Variants in HSD17B13 observed in about 807,000 individuals in gnomAD.
HSD17B13 encodes 17-beta-hydroxysteroid dehydrogenase 13.
HSD17B13 carries 26 observed loss-of-function variants against 31.1 expected under a neutral mutation model. The ratio of observed to expected loss-of-function variants is 0.84; its 90% CI spans 0.61 to 1.16. The LOEUF (loss-of-function observed/expected upper bound fraction) is 1.16, where lower values mean the gene tolerates loss of function less well. HSD17B13 is among the 50% of genes most tolerant of loss of function. The probability of loss-of-function intolerance (pLI) is 0.00; values close to 1 mark genes in which losing one functional copy is unlikely to be tolerated. For missense variants in HSD17B13, 374 were observed against 366.5 expected (o/e 1.02, Z -0.17); for synonymous variants, 141 against 133.7 (o/e 1.05, Z -0.38).
At chr4:87,311,698 C>T (rs183097019) in intron 5 of HSD17B13, among the ~76,000 whole-genome samples, 2 of 152,210 alleles carry the variant, frequency 1.3e-5, no homozygotes, top group Non-Finnish European at 2.9e-5. Flanking sequence ...GACTGAACAG[C>T]CAGTGAATGT....
At chr4:87,309,900 C>G (rs529061981) in intron 6 of HSD17B13, among the ~76,000 whole-genome samples, 6 of 152,224 alleles carry the variant, frequency 3.9e-5, no homozygotes, top group Non-Finnish European at 8.8e-5. Flanking sequence ...TGGCTCATGA[C>G]TGTAATCCCA....
At chr4:87,318,752 A>T (rs1205281585) in intron 1 of HSD17B13, among the ~76,000 whole-genome samples, 1 of 147,218 alleles carries the variant, frequency 6.8e-6, no homozygotes, top group Non-Finnish European at 1.5e-5. Context: ...GAGTGGAGAT[A>T]GTGCCACTGG....
chr4:87,307,851 T>C (rs1443906174), intron 6 of HSD17B13, among the ~76,000 whole-genome samples: 1 of 152,174 alleles, frequency 6.6e-6, no homozygotes. Flanking sequence ...CTCCTTATGT[T>C]ATCTCAAGTC....
Position 87,318,195 on chromosome 4 carries a change from T to A in HSD17B13, c.318+134A>T, listed in dbSNP as rs1028270930. The A allele has an allele frequency of 1.1e-5, 7 of 654,488 alleles. No homozygotes were observed. In the East Asian group the frequency reaches 1.9e-4, roughly 18 times the overall value. The allele number at this position is 654,488 out of a possible 1,614,324, so 40.5% of individuals were successfully genotyped here. A position where few individuals can be genotyped will look rare whatever the true frequency, so the allele number is the denominator to read the frequency against. ...AAGAAAAAAAGTATATATCCTTCCT[T>A]GGTGACATAACTACTTCAGTTAGCA... On this transcript the variant is annotated intron_variant, in intron 2 of 6. Coordinates refer to ENST00000328546, the MANE Select transcript of HSD17B13 (RefSeq NM_178135.5).
At chr4:87,320,020 A>G (rs1734745199) in intron 1 of HSD17B13, among the ~76,000 whole-genome samples, 1 of 152,178 alleles carries the variant, frequency 6.6e-6, no homozygotes, top group Admixed American at 6.5e-5. Context: ...GAAAAGCCCT[A>G]TTCTTCGTGT....
chr4:87,320,044 T>C (rs1344817352), intron 1 of HSD17B13, among the ~76,000 whole-genome samples: 2 of 152,120 alleles, frequency 1.3e-5, no homozygotes, highest in East Asian at 3.9e-4. Flanking sequence ...GAGATGACAG[T>C]GGTGTTGCTG....
chr4:87,319,956 T>A (rs1734744028), intron 1 of HSD17B13, among the ~76,000 whole-genome samples: 1 of 152,236 alleles, frequency 6.6e-6, no homozygotes, highest in Admixed American at 6.5e-5. Context: ...AAATTATACT[T>A]TTCCGTCTCA....
rs562338105 is a variant in HSD17B13, at chr4:87,317,356, T to G, written c.319-133A>C. On this transcript the variant is annotated intron_variant, in intron 2 of 6. Transcript: ENST00000328546. ...TCAGAGTTCAGGCAAGACAGACTGTTGAGCTCAAATCGTGGAGGCCAAGGG... is the reference window on the plus strand; with the variant it reads ...TCAGAGTTCAGGCAAGACAGACTGTGGAGCTCAAATCGTGGAGGCCAAGGG... 24 of 821,854 alleles carry G rather than the reference T, an allele frequency of 2.9e-5. No homozygotes were observed. In the East Asian group the frequency reaches 6.2e-4, roughly 21 times the overall value. The allele number at this position is 821,854 out of a possible 1,614,324, so 50.9% of individuals were successfully genotyped here.
At chr4:87,306,905 TAAAAAAAA>T (rs67775053) in intron 6 of HSD17B13, among the ~76,000 whole-genome samples, 4 of 44,286 alleles carry the variant, frequency 9.0e-5, no homozygotes, top group African/African-American at 4.9e-4. Context: ...AGACCCAATC[TAAAAAAAA>T]AAAAAAAAAA....
At chr4:87,321,365 A>G (rs908866924) in intron 1 of HSD17B13, among the ~76,000 whole-genome samples, 3 of 151,952 alleles carry the variant, frequency 2.0e-5, no homozygotes, top group African/African-American at 7.3e-5. Flanking sequence ...CTTCTAATTT[A>G]CTTTTCTCTT....
chr4:87,314,591 T>A (rs528387697), intron 4 of HSD17B13, among the ~76,000 whole-genome samples: 1 of 152,130 alleles, frequency 6.6e-6, no homozygotes, highest in South Asian at 2.1e-4. Flanking sequence ...TGGAGTGTGG[T>A]ATCTGCAACT....
intron 6 of HSD17B13, among the ~76,000 whole-genome samples, chr4:87,309,074 G>C (rs1734464568): frequency 6.6e-6 from 1 of 152,014 alleles, no homozygotes; most frequent in African/African-American, 2.4e-5. Context: ...AATGCCACTT[G>C]CATTAGCGTC....
intron 6 of HSD17B13, among the ~76,000 whole-genome samples, chr4:87,308,485 TAAAAAAAAAAAAAAAAA>T (rs893354684): frequency 1.1e-3 from 38 of 33,204 alleles, no homozygotes; most frequent in East Asian, 2.9e-3. Flanking sequence ...CCGTCTCTAC[TAAAAAAAAAAAAAAAAA>T]AAAAAAAAAA....
rs145617715 is a variant in HSD17B13 at position 87,313,564 on chromosome 4, G to A, written c.695+259C>T. Among the ~76,000 whole-genome samples, 543 of 152,188 alleles carry A rather than the reference G, an allele frequency of 3.6e-3. 7 individuals are homozygous for A. The highest frequency in any genetic ancestry group is 0.013 in the African/African-American group (520 of 41,532). On this transcript the variant is annotated intron_variant, in intron 5 of 6. Coordinates refer to ENST00000328546, the MANE Select transcript of HSD17B13 (RefSeq NM_178135.5). ...GGAACATTTGCATTTTAAAGACAGG[G>A]TGGTAACGGTGATCAAATGTATGTG... is the stretch of plus-strand genomic sequence containing the variant.
chr4:87,314,045 T>C, intron 4 of HSD17B13, 85 bp from the exon 5 acceptor site: 1 of 1,186,118 alleles, frequency 8.4e-7, no homozygotes, highest in South Asian at 2.3e-5. Flanking sequence ...ATCATTTGGC[T>C]TAAGAACAAG....
chr4:87,308,317 CT>C (rs1734437047), intron 6 of HSD17B13, among the ~76,000 whole-genome samples: 2 of 151,462 alleles, frequency 1.3e-5, no homozygotes, highest in Non-Finnish European at 2.9e-5. Context: ...CATTCAAAAC[CT>C]TTGTTGCCTG....
rs2110095543 is a variant in HSD17B13, at chr4:87,305,128, C to T, written c.*90G>A. On this transcript the variant is annotated 3_prime_UTR_variant, in exon 7 of 7. Transcript: ENST00000328546. ...ACCAATGTTTTTAATATTATCAGGA[C>T]TGAAAAAATGTGAAATAAAGCTTTG... The T allele has an allele frequency of 2.6e-6, 2 of 759,348 alleles. No homozygotes were observed. The highest frequency in any genetic ancestry group is 3.0e-5 in the East Asian group (1 of 33,410). The allele number at this position is 759,348 out of a possible 1,614,324, so 47.0% of individuals were successfully genotyped here. A position where few individuals can be genotyped will look rare whatever the true frequency, so the allele number is the denominator to read the frequency against.
chr4:87,307,683 T>C (rs1734422962), intron 6 of HSD17B13, among the ~76,000 whole-genome samples: 1 of 152,070 alleles, frequency 6.6e-6, no homozygotes, highest in African/African-American at 2.4e-5. Flanking sequence ...GTATCTTTAG[T>C]AGAGCTGAGG....
In HSD17B13 at chr4:87,304,405, A is replaced by T. The variant is rs1734340962; in HGVS notation, c.*813T>A. The T allele has an allele frequency of 6.6e-6, 1 of 152,246 alleles. No homozygotes were observed. The highest frequency in any genetic ancestry group is 2.4e-5 in the African/African-American group (1 of 41,442). 9.4% of individuals were successfully genotyped at this position (152,246 alleles called of 1,614,324 possible). A position where few individuals can be genotyped will look rare whatever the true frequency, so the allele number is the denominator to read the frequency against. Reference sequence around the variant, plus strand: ...GTCCATTGTTTCTTATGTAATAGCCAGTACAGTTCCTTTTCCTGTGTTAGC... The same window carrying T: ...GTCCATTGTTTCTTATGTAATAGCCTGTACAGTTCCTTTTCCTGTGTTAGC... On this transcript the variant is annotated 3_prime_UTR_variant, in exon 7 of 7. Coordinates refer to ENST00000328546, the MANE Select transcript of HSD17B13 (RefSeq NM_178135.5).
Sources: gnomAD v4.1 joint callset for allele counts (sites outside exome capture counted in the v4.1 genomes callset) on GRCh38, gnomAD v4.1.1 for gene constraint, MANE v1.5 for transcripts, NCBI Gene and HGNC (gene_info 2026-07-23, HGNC 2026-07-21) for gene names.